The following CYP4F22 variants were observed in gnomAD, a reference collection of about 807,000 sequenced individuals.
CYP4F22 encodes cytochrome P450 family 4 subfamily F member 22, also known as ultra-long-chain fatty acid omega-hydroxylase.
A neutral mutation model predicts 60.4 loss-of-function variants in CYP4F22; 37 were observed. The ratio of observed to expected loss-of-function variants is 0.61; its 90% CI spans 0.47 to 0.81. CYP4F22 has a LOEUF of 0.81. Ranked by LOEUF, CYP4F22 falls within the 30% of genes least tolerant of loss-of-function variation. The pLI is 0.00. For missense variants in CYP4F22, 655 were observed against 715.0 expected (o/e 0.92, Z 0.96); for synonymous variants, 258 against 280.5 (o/e 0.92, Z 0.80).
chr19:15,544,240 AG>A lies in CYP4F22; in HGVS notation c.1099del (p.Glu367LysfsTer3). Reference protein sequence around the residue: ...EYQEKCREEIQEVMKGRELEE... With the variant: ...EYQEKCREEIXEVMKGRELEE... ...CAGGAGAAATGCCGAGAAGAGATTC[AG>A]GAAGTCATGAAAGGCCGGGAGCTGG... On this transcript the variant is annotated frameshift_variant, in exon 10 of 14. Transcript: ENST00000269703. LOFTEE classifies it high-confidence loss of function. 6.2e-7 allele frequency: 1 copy of A among 1,614,124 alleles called. No individual in the cohort carries two copies. Among genetic ancestry groups the A allele is most frequent in the East Asian group, 2.2e-5 (1 of 44,876 alleles).
chr19:15,536,391 G>A (rs1273527), intron 4 of CYP4F22, among the ~76,000 whole-genome samples: 1 of 151,984 alleles, frequency 6.6e-6, no homozygotes, highest in Non-Finnish European at 1.5e-5. Flanking sequence ...CGTCGAATAG[G>A]GGGTGGAAGA....
intron 1 of CYP4F22, among the ~76,000 whole-genome samples, chr19:15,509,922 C>CTTCTTTTTCTTTCT (rs1971068940): frequency 2.6e-5 from 3 of 115,494 alleles, no homozygotes; most frequent in Admixed American, 9.3e-5. Flanking sequence ...TCTTTCCTTC[C>CTTCTTTTTCTTTCT]TTCTTTCTTT....
chr19:15,536,496 G>A (rs1054703859), intron 4 of CYP4F22, among the ~76,000 whole-genome samples: 1 of 152,122 alleles, frequency 6.6e-6, no homozygotes, highest in Admixed American at 6.5e-5. Context: ...TGAGCAGGAA[G>A]GGGCGTGGTC....
chr19:15,509,618 A>T (rs895932324), intron 1 of CYP4F22, among the ~76,000 whole-genome samples: 2 of 152,278 alleles, frequency 1.3e-5, no homozygotes, highest in East Asian at 1.9e-4. Context: ...AGAGAGAAGA[A>T]GCCTGTGCCT....
chr19:15,547,481 G>A (rs1971540365), intron 10 of CYP4F22, among the ~76,000 whole-genome samples: 1 of 152,150 alleles, frequency 6.6e-6, no homozygotes, highest in Non-Finnish European at 1.5e-5. Flanking sequence ...AGAGGGCCCA[G>A]TGCTAGTGCT....
intron 12 of CYP4F22, among the ~76,000 whole-genome samples, chr19:15,550,103 G>A (rs1317124271): frequency 3.3e-5 from 5 of 151,952 alleles, no homozygotes. Context: ...TAATTTTTTT[G>A]TATTTTTAGT....
chr19:15,516,835 CTTT>C (rs756727270), intron 1 of CYP4F22: 963 of 206,980 alleles, frequency 4.7e-3, no homozygotes, highest in Non-Finnish European at 6.0e-3. Flanking sequence ...AGATGTTATT[CTTT>C]TTTTTTTTTT....
Position 15,550,816 on chromosome 19 carries a change from T to A in CYP4F22, c.1418+60T>A. 1.9e-6 allele frequency: 3 copies of A among 1,588,118 alleles called. No individual in the cohort carries two copies. In the East Asian group the frequency reaches 6.7e-5, roughly 35 times the overall value. Reference sequence around the variant, plus strand: ...GTGTAGGAACAGAGGCAGGGAAAGATCAGGAATGTGCCTCTCAGGAGCAGA... The same window carrying A: ...GTGTAGGAACAGAGGCAGGGAAAGAACAGGAATGTGCCTCTCAGGAGCAGA... On this transcript the variant is annotated intron_variant, in intron 13 of 13. Transcript: ENST00000269703.
chr19:15,522,067 C>T (rs1272724408), intron 1 of CYP4F22, among the ~76,000 whole-genome samples: 2 of 151,436 alleles, frequency 1.3e-5, no homozygotes, highest in East Asian at 2.0e-4. Flanking sequence ...ATTGCTTGAA[C>T]CCAGGAGGCG....
At chr19:15,539,819 A>G (rs1182912396) in intron 7 of CYP4F22, among the ~76,000 whole-genome samples, 2 of 152,018 alleles carry the variant, frequency 1.3e-5, no homozygotes, top group Non-Finnish European at 1.5e-5. Context: ...ATAAGTTTTG[A>G]TTTTAGTCAC....
intron 1 of CYP4F22, among the ~76,000 whole-genome samples, chr19:15,512,902 G>C (rs1160910069): frequency 1.3e-5 from 2 of 152,086 alleles, no homozygotes; most frequent in Non-Finnish European, 2.9e-5. Context: ...AAAGTGGATA[G>C]TAAACTTAAG....
chr19:15,551,717 T>A lies in CYP4F22; in HGVS notation c.*246T>A, dbSNP rs1237286461. On this transcript the variant is annotated 3_prime_UTR_variant, in exon 14 of 14. Transcript: ENST00000269703. ...GTCCCGCCCCCTGACTTCTCGCACC[T>A]GTCCTGTTTGAGGGACCAGGGTCGA... 2 of 591,022 alleles carry A rather than the reference T, an allele frequency of 3.4e-6. No homozygotes were observed. Among genetic ancestry groups the A allele is most frequent in the Non-Finnish European group, 6.0e-6 (2 of 333,318 alleles). 36.6% of individuals were successfully genotyped at this position (591,022 alleles called of 1,614,324 possible).
intron 7 of CYP4F22, 74 bp from the exon 8 acceptor site, chr19:15,540,376 T>G (rs1568361201): frequency 2.5e-6 from 4 of 1,596,826 alleles, no homozygotes; most frequent in Non-Finnish European, 8.6e-7. Context: ...GACAGGAGGC[T>G]TATCTTAGCC....
At chr19:15,538,349 C>T (rs1971423369) in intron 7 of CYP4F22, among the ~76,000 whole-genome samples, 1 of 152,106 alleles carries the variant, frequency 6.6e-6, no homozygotes, top group South Asian at 2.1e-4. Context: ...GCTCAGTTTC[C>T]TTGTTTGTAA....
At chr19:15,509,288 C>T (rs1388684332) in intron 1 of CYP4F22, among the ~76,000 whole-genome samples, 1 of 152,122 alleles carries the variant, frequency 6.6e-6, no homozygotes, top group Non-Finnish European at 1.5e-5. Flanking sequence ...CGAGGCTGGC[C>T]ACCTGGGGAG....
chr19:15,509,647 GTGGGAGAGC>G, intron 1 of CYP4F22, among the ~76,000 whole-genome samples: 1 of 152,286 alleles, frequency 6.6e-6, no homozygotes, highest in Non-Finnish European at 1.5e-5. Flanking sequence ...CCAGTGCCCA[GTGGGAGAGC>G]TGGGATTTGA....
chr19:15,514,274 C>CT (rs1196028764), intron 1 of CYP4F22, among the ~76,000 whole-genome samples: 1 of 152,154 alleles, frequency 6.6e-6, no homozygotes, highest in Non-Finnish European at 1.5e-5. Flanking sequence ...ATAAAAATGT[C>CT]TAACTACATA....
chr19:15,532,548 T>TA (rs774537714), intron 4 of CYP4F22, among the ~76,000 whole-genome samples: 11 of 149,862 alleles, frequency 7.3e-5, no homozygotes, highest in Admixed American at 2.0e-4. Flanking sequence ...CTAATTTTTG[T>TA]ATTTTTTTTT....
chr19:15,511,202 G>A (rs1008827699), intron 1 of CYP4F22, among the ~76,000 whole-genome samples: 3 of 151,236 alleles, frequency 2.0e-5, no homozygotes, highest in Admixed American at 6.6e-5. Flanking sequence ...CCGACCTCAG[G>A]TGATCCTCCC....
Sources: gnomAD v4.1 joint callset for allele counts (sites outside exome capture counted in the v4.1 genomes callset) on GRCh38, gnomAD v4.1.1 for gene constraint, MANE v1.5 for transcripts, NCBI Gene and HGNC (gene_info 2026-07-23, HGNC 2026-07-21) for gene names.